Variants in SCUBE2 observed in about 807,000 individuals in gnomAD.
The protein encoded by SCUBE2 is signal peptide, CUB domain and EGF like domain containing 2.
SCUBE2 carries 114 observed loss-of-function variants against 125.9 expected under a neutral mutation model. That is an observed-to-expected ratio of 0.91 (90% confidence interval 0.78 to 1.06). SCUBE2 has a LOEUF of 1.06. SCUBE2 is among the 50% of genes least tolerant of loss of function. SCUBE2 has a pLI of 0.00. For synonymous variants in SCUBE2, 459 were observed against 492.9 expected (o/e 0.93, Z 0.91); for missense variants, 1,255 against 1,301.8 (o/e 0.96, Z 0.55).
At position 9,065,979 on chromosome 11, in the gene SCUBE2, C is replaced by T; in HGVS notation, c.762G>A (p.Glu254=). The T allele has an allele frequency of 1.2e-6, 2 of 1,612,568 alleles. No homozygotes were observed. Among genetic ancestry groups the T allele is most frequent in the Non-Finnish European group, 1.7e-6 (2 of 1,178,634 alleles). Residue 254 remains glutamate (E), a splice_region_variant and synonymous_variant, in exon 7 of 23, where the codon GAG becomes GAA. Coordinates refer to ENST00000649792, the MANE Select transcript of SCUBE2 (RefSeq NM_001367977.2). ...KMHTDGRSCL[E]REDTVLEVTE... is the part of the protein sequence containing the mutation. ...TCACCTCCAGGACAGTGTCCTCTCG[C>T]TCTACAAGAGAAGCAAAAGAGCACG...
chr11:9,085,742 AAAAAG>A lies in SCUBE2; in HGVS notation c.256+3960_256+3964del, dbSNP rs1231825842. ...CTGTGTCTCAAAAATAAAAAAATTA[AAAAAG>A]AAAAGAAAAGAAAAATATAGCATCT... On this transcript the variant is annotated intron_variant, in intron 2 of 22. Coordinates refer to ENST00000649792, the MANE Select transcript of SCUBE2 (RefSeq NM_001367977.2). Among the ~76,000 whole-genome samples the A allele has an allele frequency of 2.6e-5, 4 of 152,170 alleles. No homozygotes were observed. In the East Asian group the frequency reaches 7.7e-4, roughly 29 times the overall value.
rs34329706 is a variant in SCUBE2, at chr11:9,034,822, A to AAAACAAAC, written c.2003-1034_2003-1027dup. On this transcript the variant is annotated intron_variant, in intron 16 of 22. Transcript: ENST00000649792. ...ATGGAGAAACCCCGTCTCTACTGAA[A>AAAACAAAC]AAACAAACAAACAAAACAGAAAAAT... 2.6e-3 allele frequency among the ~76,000 whole-genome samples: 388 copies of AAAACAAAC among 151,272 alleles called. 3 individuals are homozygous for AAAACAAAC. Among genetic ancestry groups the AAAACAAAC allele is most frequent in the African/African-American group, 9.1e-3 (376 of 41,202 alleles).
intron 7 of SCUBE2, among the ~76,000 whole-genome samples, chr11:9,060,992 T>G (rs1332555910): frequency 3.3e-5 from 5 of 152,308 alleles, no homozygotes; most frequent in South Asian, 2.1e-4. Context: ...ACTACTGACT[T>G]CATCCTTGCA....
chr11:9,091,246 G>GT lies in SCUBE2; in HGVS notation c.133+149dup, dbSNP rs1293679614. 52 of 487,638 alleles carry GT rather than the reference G, an allele frequency of 1.1e-4. No homozygotes were observed. Among genetic ancestry groups the GT allele is most frequent in the Admixed American group, 7.7e-4 (16 of 20,848 alleles). The allele number at this position is 487,638 out of a possible 1,614,324, so 30.2% of individuals were successfully genotyped here. ...CGTGGCGCCTTGGCCCGGCCGGCGG[G>GT]TGAGGTCCCGGGGGGAGCAGAGGCC... On this transcript the variant is annotated intron_variant, in intron 1 of 22. Transcript: ENST00000649792. The surrounding 1 kb of genome is among the most constrained non-coding windows in gnomAD (Gnocchi z 8.5).
chr11:9,084,346 T>G (rs756198158), intron 2 of SCUBE2, among the ~76,000 whole-genome samples: 1 of 152,160 alleles, frequency 6.6e-6, no homozygotes, highest in African/African-American at 2.4e-5. Context: ...ACAGAAGAAT[T>G]TCAATTAACA....
At chr11:9,069,258 C>A in intron 5 of SCUBE2, 112 bp downstream of exon 5, 3 of 1,431,770 alleles carry the variant, frequency 2.1e-6, no homozygotes, top group South Asian at 2.6e-5. Context: ...TGCTAACTGC[C>A]TTCCCTGCTG....
chr11:9,044,351 C>T (rs1279945481), intron 16 of SCUBE2, among the ~76,000 whole-genome samples: 1 of 152,156 alleles, frequency 6.6e-6, no homozygotes, highest in East Asian at 1.9e-4. Context: ...CTCCTGGACT[C>T]AGATGATCCT....
Position 9,091,573 on chromosome 11 carries a change from TGGCGGC to T in SCUBE2, c.-51_-46del. ...GGCAGAGGCGGCGGAGTGCGGGCGGTGGCGGCGGCGGCGCGGGGAGGTGTGCGCGGA... is the reference window on the plus strand; with the variant it reads ...GGCAGAGGCGGCGGAGTGCGGGCGGTGGCGGCGCGGGGAGGTGTGCGCGGA... On this transcript the variant is annotated 5_prime_UTR_variant, in exon 1 of 23. Transcript: ENST00000649792. This position sits in a 1 kb window ranked among gnomAD's most constrained non-coding sequence, Gnocchi z 8.5. 4.7e-6 allele frequency: 2 copies of T among 422,190 alleles called. No individual in the cohort carries two copies. Among genetic ancestry groups the T allele is most frequent in the Non-Finnish European group, 7.2e-6 (2 of 276,364 alleles). 26.2% of individuals were successfully genotyped at this position (422,190 alleles called of 1,614,324 possible).
Position 9,077,977 on chromosome 11 carries a change from G to A in SCUBE2, c.382+1407C>T, listed in dbSNP as rs11821865. On this transcript the variant is annotated intron_variant, in intron 3 of 22. Transcript: ENST00000649792. ...TCTTAGGAACCTTATACTACCCCCCGCCACCCCGGGCTGTGGATTACAGCA... is the reference window on the plus strand; with the variant it reads ...TCTTAGGAACCTTATACTACCCCCCACCACCCCGGGCTGTGGATTACAGCA... Among the ~76,000 whole-genome samples the A allele has an allele frequency of 9.0e-3, 1,370 of 152,162 alleles. 28 individuals are homozygous for A. The highest frequency in any genetic ancestry group is 0.031 in the African/African-American group (1,274 of 41,524).
At chr11:9,030,947 C>A in intron 17 of SCUBE2, 22 bp from the exon 18 acceptor site, 1 of 1,604,420 alleles carries the variant, frequency 6.2e-7, no homozygotes, top group Non-Finnish European at 8.5e-7. Flanking sequence ...AATAGCCTTA[C>A]GTGAGCAAGG....
chr11:9,033,656 G>C lies in SCUBE2; in HGVS notation c.2143C>G (p.Pro715Ala). 6.2e-7 allele frequency: 1 copy of C among 1,614,052 alleles called. No individual in the cohort carries two copies. Among genetic ancestry groups the C allele is most frequent in the Non-Finnish European group, 8.5e-7 (1 of 1,180,008 alleles). ...CATTCAGACATATTCCAAGCTTCTG[G>C]GGTCTTCAGGGCCCCAGAATTTCCT... ...RPGNSGALKT[P>A]EAWNMSECGG... is the part of the protein sequence containing the mutation. Residue 715 changes from proline (P) to alanine (A), a missense_variant, in exon 17 of 23, where the codon CCA becomes GCA. Coordinates refer to ENST00000649792, the MANE Select transcript of SCUBE2 (RefSeq NM_001367977.2).
chr11:9,066,823 A>G lies in SCUBE2; in HGVS notation c.644-10T>C. Reference sequence around the variant, plus strand: ...CCATGGTTACAGGTCACTGACAGCAAAATGAATCAATACATAAAGCACTGA... The same window carrying G: ...CCATGGTTACAGGTCACTGACAGCAGAATGAATCAATACATAAAGCACTGA... On this transcript the variant is annotated splice_polypyrimidine_tract_variant and intron_variant, in intron 5 of 22. Coordinates refer to ENST00000649792, the MANE Select transcript of SCUBE2 (RefSeq NM_001367977.2). 1 of 1,598,728 alleles carries G rather than the reference A, an allele frequency of 6.3e-7. No individual in the cohort carries two copies. Among genetic ancestry groups the G allele is most frequent in the Non-Finnish European group, 8.6e-7 (1 of 1,165,978 alleles).
intron 2 of SCUBE2, among the ~76,000 whole-genome samples, chr11:9,081,466 T>A (rs575222042): frequency 4.8e-4 from 73 of 152,350 alleles, no homozygotes; most frequent in African/African-American, 1.7e-3. Context: ...TGTGACTGGC[T>A]TGTTTCACTT....
intron 16 of SCUBE2, among the ~76,000 whole-genome samples, chr11:9,037,858 G>A (rs888636067): frequency 6.6e-6 from 1 of 152,228 alleles, no homozygotes; most frequent in African/African-American, 2.4e-5. Context: ...TCCTTATTGG[G>A]TTCCCAAATG....
intron 22 of SCUBE2, 42 bp downstream of exon 22, chr11:9,021,834 C>G: frequency 1.4e-6 from 2 of 1,415,398 alleles, no homozygotes; most frequent in Non-Finnish European, 2.0e-6. Context: ...ACTCGGGAAG[C>G]TCTGTGGATA....
intron 16 of SCUBE2, among the ~76,000 whole-genome samples, chr11:9,037,463 A>T (rs1856836770): frequency 6.6e-6 from 1 of 152,230 alleles, no homozygotes; most frequent in Admixed American, 6.5e-5. Context: ...TGAGTATTTC[A>T]GGCTATAGAC....
chr11:9,066,319 G>A (rs190627647), intron 6 of SCUBE2, among the ~76,000 whole-genome samples: 1 of 152,350 alleles, frequency 6.6e-6, no homozygotes, highest in Non-Finnish European at 1.5e-5. Flanking sequence ...GACACACCGT[G>A]AAGGGCAAGG....
At chr11:9,060,133 T>C (rs1414941523) in intron 8 of SCUBE2, among the ~76,000 whole-genome samples, 2 of 152,272 alleles carry the variant, frequency 1.3e-5, no homozygotes, top group African/African-American at 4.8e-5. Context: ...AACTGCCTTT[T>C]TCTAATAAGG....
At chr11:9,043,291 T>A (rs1857408264) in intron 16 of SCUBE2, among the ~76,000 whole-genome samples, 2 of 152,164 alleles carry the variant, frequency 1.3e-5, no homozygotes, top group African/African-American at 4.8e-5. Flanking sequence ...CACACATGCA[T>A]ACACACACAT....
Sources: allele counts gnomAD v4.1 joint callset (sites outside exome capture counted in the v4.1 genomes callset), GRCh38; gene constraint gnomAD v4.1.1; non-coding constraint Gnocchi (gnomAD v3.1); transcripts MANE v1.5; gene names NCBI Gene and HGNC (gene_info 2026-07-23, HGNC 2026-07-21).